Variants in INSC observed in about 807,000 individuals in gnomAD.
INSC encodes INSC spindle orientation adaptor protein.
In INSC, 67 loss-of-function variants were observed where a neutral mutation model predicts 58.6. That is an observed-to-expected ratio of 1.14 (90% CI 0.94 to 1.40). The LOEUF (loss-of-function observed/expected upper bound fraction) is 1.40. Ranked by LOEUF, INSC falls within the 40% of genes most tolerant of loss-of-function variation. The probability of loss-of-function intolerance (pLI) is 0.00; values close to 1 mark genes in which losing one functional copy is unlikely to be tolerated. For synonymous variants in INSC, 262 were observed against 276.1 expected (o/e 0.95, Z 0.51); for missense variants, 714 against 692.0 (o/e 1.03, Z -0.36).
At chr11:15,207,968 T>G (rs1443651126) in intron 7 of INSC, among the ~76,000 whole-genome samples, 3 of 152,140 alleles carry the variant, frequency 2.0e-5, no homozygotes, top group Non-Finnish European at 4.4e-5. Flanking sequence ...TTTTTGCTCC[T>G]AATCCTAAGT....
intron 2 of INSC, 107 bp from the exon 3 acceptor site, chr11:15,175,634 T>G (rs944397699): frequency 8.0e-6 from 6 of 747,524 alleles, no homozygotes; most frequent in Non-Finnish European, 1.0e-5. Flanking sequence ...GGAGAAACAC[T>G]GCTAAACATA....
At chr11:15,203,169 C>T (rs16931193) in intron 7 of INSC, among the ~76,000 whole-genome samples, 5,025 of 152,278 alleles carry the variant, frequency 0.033, 85 homozygotes, top group East Asian at 0.073. Flanking sequence ...GGACCCACAT[C>T]TGCCATAGTA....
At chr11:15,240,576 A>G in intron 12 of INSC, 53 bp downstream of exon 12, 2 of 1,479,776 alleles carry the variant, frequency 1.4e-6, no homozygotes, top group Non-Finnish European at 1.9e-6. Flanking sequence ...AATGCAGCCA[A>G]GGGGGCCAGG....
At chr11:15,120,647 T>G (rs893111818) in intron 1 of INSC, among the ~76,000 whole-genome samples, 1 of 152,162 alleles carries the variant, frequency 6.6e-6, no homozygotes, top group African/African-American at 2.4e-5. Flanking sequence ...GGGGATGAGA[T>G]GGAAGATGTT....
chr11:15,116,818 T>TTTCTTTCTTTCC, intron 1 of INSC, among the ~76,000 whole-genome samples: 3 of 30,590 alleles, frequency 9.8e-5, no homozygotes, highest in African/African-American at 5.8e-4. Context: ...TCTTTCTTTC[T>TTTCTTTCTTTCC]TTCTTTCTTT....
At chr11:15,131,535 G>A (rs893878201) in intron 1 of INSC, among the ~76,000 whole-genome samples, 9 of 152,038 alleles carry the variant, frequency 5.9e-5, no homozygotes, top group African/African-American at 2.2e-4. Flanking sequence ...TCATTTTCCT[G>A]CTTGATCTAT....
chr11:15,147,686 G>C (rs1322232134), intron 1 of INSC, among the ~76,000 whole-genome samples: 1 of 152,180 alleles, frequency 6.6e-6, no homozygotes, highest in Non-Finnish European at 1.5e-5. Flanking sequence ...CCCTCAAGAA[G>C]CTCACAGTCT....
At chr11:15,205,759 T>C (rs1283871821) in intron 7 of INSC, among the ~76,000 whole-genome samples, 1 of 152,128 alleles carries the variant, frequency 6.6e-6, no homozygotes, top group Non-Finnish European at 1.5e-5. Context: ...GTCATGAATG[T>C]AGAGCTTGGA....
chr11:15,193,177 G>C (rs1158279369), intron 6 of INSC, among the ~76,000 whole-genome samples: 1 of 152,108 alleles, frequency 6.6e-6, no homozygotes, highest in African/African-American at 2.4e-5. Flanking sequence ...GGAATTATTG[G>C]GGCCTTACTT....
intron 1 of INSC, among the ~76,000 whole-genome samples, chr11:15,140,302 C>T (rs1356111382): frequency 1.3e-5 from 2 of 152,144 alleles, no homozygotes; most frequent in Non-Finnish European, 2.9e-5. Context: ...ATTTCCCTGC[C>T]CACTCTTTAT....
intron 2 of INSC, among the ~76,000 whole-genome samples, chr11:15,165,062 G>A (rs953535105): frequency 6.6e-6 from 1 of 152,146 alleles, no homozygotes; most frequent in Non-Finnish European, 1.5e-5. Flanking sequence ...TACCGAGCAG[G>A]TCTTACAGCT....
chr11:15,265,430 G>A, the INSC span, among the ~76,000 whole-genome samples: 29 of 151,712 alleles, frequency 1.9e-4, no homozygotes, highest in African/African-American at 5.6e-4. Context: ...ATCATCTAGT[G>A]TTCTTTATGG....
At chr11:15,193,793 T>C (rs1041882684) in intron 6 of INSC, among the ~76,000 whole-genome samples, 2 of 152,232 alleles carry the variant, frequency 1.3e-5, no homozygotes, top group Non-Finnish European at 2.9e-5. Flanking sequence ...TTATAATCCT[T>C]TGGGTATATA....
At chr11:15,134,468 G>A (rs1463654245) in intron 1 of INSC, among the ~76,000 whole-genome samples, 1 of 152,182 alleles carries the variant, frequency 6.6e-6, no homozygotes, top group Non-Finnish European at 1.5e-5. Context: ...GAATTGATAG[G>A]ACTTAAATGT....
At chr11:15,162,662 A>G (rs1290061473) in intron 2 of INSC, among the ~76,000 whole-genome samples, 1 of 152,160 alleles carries the variant, frequency 6.6e-6, no homozygotes, top group Non-Finnish European at 1.5e-5. Flanking sequence ...TTACTAATAT[A>G]TCCCAAGTAG....
At chr11:15,247,945 C>T (rs1167621180), downstream of INSC, among the ~76,000 whole-genome samples, 1 of 152,028 alleles carries the variant, frequency 6.6e-6, no homozygotes, top group Non-Finnish European at 1.5e-5. Context: ...AAGAGACGGA[C>T]TCGCTTTGTT....
chr11:15,197,967 C>G (rs1850432442), intron 6 of INSC, among the ~76,000 whole-genome samples: 1 of 151,968 alleles, frequency 6.6e-6, no homozygotes, highest in Non-Finnish European at 1.5e-5. Context: ...TCTGCTAGGT[C>G]AGGCCATTCC....
chr11:15,262,338 A>T, the INSC span, among the ~76,000 whole-genome samples: 2 of 152,142 alleles, frequency 1.3e-5, no homozygotes, highest in Non-Finnish European at 2.9e-5. Context: ...AAAATCCATG[A>T]GGCAAGTTTT....
intron 11 of INSC, among the ~76,000 whole-genome samples, chr11:15,239,725 C>T (rs2133977734): frequency 6.6e-6 from 1 of 152,296 alleles, no homozygotes; most frequent in South Asian, 2.1e-4. Flanking sequence ...GTCCATGGTG[C>T]ATTTGGCATG....
Sources: allele counts gnomAD v4.1 joint callset (sites outside exome capture counted in the v4.1 genomes callset), GRCh38; gene constraint gnomAD v4.1.1; transcripts MANE v1.5; gene names NCBI Gene and HGNC (gene_info 2026-07-23, HGNC 2026-07-21).